Variants in PNPT1 observed in about 807,000 individuals in gnomAD.
PNPT1 encodes polyribonucleotide nucleotidyltransferase 1.
PNPT1 carries 53 observed loss-of-function variants against 119.5 expected under a neutral mutation model. The ratio of observed to expected loss-of-function variants is 0.44; its 90% CI spans 0.36 to 0.56. The LOEUF is 0.56. PNPT1 is among the 20% of genes least tolerant of loss of function. The probability of loss-of-function intolerance (pLI) is 0.00; values close to 1 mark genes in which losing one functional copy is unlikely to be tolerated. For missense variants in PNPT1, 948 were observed against 938.5 expected (o/e 1.01, Z -0.13); for synonymous variants, 357 against 322.1 (o/e 1.11, Z -1.16).
rs1695806479 is a variant in PNPT1 at position 55,640,612 on chromosome 2, C to T, written c.2148+15G>A. 2 of 1,544,788 alleles carry T rather than the reference C, an allele frequency of 1.3e-6. No individual in the cohort carries two copies. The highest frequency in any genetic ancestry group is 1.1e-5 in the South Asian group (1 of 89,276). On this transcript the variant is annotated intron_variant, in intron 26 of 27. Coordinates refer to ENST00000447944, the MANE Select transcript of PNPT1 (RefSeq NM_033109.5). ...GCAGTTATAAAAATAATAACAATAA[C>T]ATCTGTCTTTTTACCTTTCGTTGAT...
chr2:55,677,596 CAAAA>C (rs70954146), intron 8 of PNPT1, among the ~76,000 whole-genome samples: 14 of 33,502 alleles, frequency 4.2e-4, no homozygotes, highest in South Asian at 2.6e-3. Flanking sequence ...GACTATGTCT[CAAAA>C]AAAAAAAAAA....
At chr2:55,690,515 C>T (rs367709212) in intron 1 of PNPT1, among the ~76,000 whole-genome samples, 4 of 152,168 alleles carry the variant, frequency 2.6e-5, no homozygotes, top group Admixed American at 6.5e-5. Context: ...GAAGGAACAA[C>T]CCTTAATATT....
At chr2:55,669,912 C>G (rs555727058) in intron 11 of PNPT1, among the ~76,000 whole-genome samples, 1 of 152,064 alleles carries the variant, frequency 6.6e-6, no homozygotes, top group Non-Finnish European at 1.5e-5. Flanking sequence ...GAGCCTGCCA[C>G]CATGCCCGCC....
intron 16 of PNPT1, 22 bp downstream of exon 16, chr2:55,656,283 A>C: frequency 6.2e-7 from 1 of 1,611,870 alleles, no homozygotes; most frequent in Non-Finnish European, 8.5e-7. Flanking sequence ...ATACCGTATT[A>C]AGTTTACAGA....
chr2:55,655,174 T>C (rs1419287978), intron 17 of PNPT1, among the ~76,000 whole-genome samples: 1 of 152,172 alleles, frequency 6.6e-6, no homozygotes, highest in Non-Finnish European at 1.5e-5. Flanking sequence ...TAAAGTTAAA[T>C]CAATTAAAAT....
rs1032807283 is a variant in PNPT1, at chr2:55,679,674, C to T, written c.679+8G>A. ...TCCAGAACAAATGTGGTATTTAAAA[C>T]AACTTACCAATCTGACTTTTAGGTG... On this transcript the variant is annotated splice_region_variant and intron_variant, in intron 8 of 27. Coordinates refer to ENST00000447944, the MANE Select transcript of PNPT1 (RefSeq NM_033109.5). 1 of 1,565,734 alleles carries T rather than the reference C, an allele frequency of 6.4e-7. No individual in the cohort carries two copies. The highest frequency in any genetic ancestry group is 1.7e-5 in the Admixed American group (1 of 59,392).
chr2:55,637,593 G>T lies in PNPT1; in HGVS notation c.2155C>A (p.His719Asn). 6.2e-7 allele frequency: 1 copy of T among 1,600,590 alleles called. No individual in the cohort carries two copies. The highest frequency in any genetic ancestry group is 8.6e-7 in the Non-Finnish European group (1 of 1,167,854). Residue 719 changes from histidine to asparagine, a missense_variant, in exon 27 of 28, where the codon CAT (histidine) becomes AAT (asparagine). Physicochemically the swap from His to Asn is moderately conservative, Grantham distance 68. Transcript: ENST00000447944. ...NTQLDQRKIK[H>N]PTALGLEVGQ... The stretch of plus-strand genomic sequence containing the variant: ...ACTTCTAATCCTAGGGCAGTAGGAT[G>T]TTTAATCTGGAAAAAAAAATGTTAA...
At chr2:55,677,677 T>C (rs1310676705) in intron 8 of PNPT1, among the ~76,000 whole-genome samples, 1 of 148,554 alleles carries the variant, frequency 6.7e-6, no homozygotes, top group African/African-American at 2.5e-5. Flanking sequence ...GTTCAAACTC[T>C]AAGGTAGATA....
intron 1 of PNPT1, among the ~76,000 whole-genome samples, chr2:55,691,872 ATATATATTTTTTTTTTT>A (rs1419021164): frequency 8.6e-4 from 10 of 11,562 alleles, no homozygotes; most frequent in African/African-American, 1.3e-3. Flanking sequence ...ATATATATAT[ATATATATTTTTTTTTTT>A]TTTTTTTTTT....
In PNPT1 at chr2:55,667,702, T is replaced by G. The variant is rs539745826; in HGVS notation, c.1073+160A>C. On this transcript the variant is annotated intron_variant, in intron 12 of 27. Transcript: ENST00000447944. ...GCCCAAGACAGATGGTCACATATCA[T>G]GTACTTTTTCTTCAATAGGTGTCCA... is the stretch of plus-strand genomic sequence containing the variant. 1.0e-3 allele frequency among the ~76,000 whole-genome samples: 159 copies of G among 152,286 alleles called. 1 individual carries two copies. The highest frequency in any genetic ancestry group is 1.6e-3 in the Non-Finnish European group (107 of 68,026).
chr2:55,687,336 A>T (rs1697443176), intron 2 of PNPT1, among the ~76,000 whole-genome samples: 1 of 151,850 alleles, frequency 6.6e-6, no homozygotes, highest in South Asian at 2.1e-4. Flanking sequence ...GCTACTCGGG[A>T]GGCTGAGGCA....
At chr2:55,660,254 C>T in intron 14 of PNPT1, 61 bp from the exon 15 acceptor site, 2 of 1,489,036 alleles carry the variant, frequency 1.3e-6, no homozygotes, top group South Asian at 1.3e-5. Flanking sequence ...TATTTCAAAA[C>T]ACAACTAAAA....
At chr2:55,677,599 A>C (rs1697115973) in intron 8 of PNPT1, among the ~76,000 whole-genome samples, 1 of 140,162 alleles carries the variant, frequency 7.1e-6, no homozygotes, top group Non-Finnish European at 1.6e-5. Flanking sequence ...TATGTCTCAA[A>C]AAAAAAAAAA....
intron 25 of PNPT1, among the ~76,000 whole-genome samples, chr2:55,642,287 C>T (rs1695855627): frequency 6.6e-6 from 1 of 151,894 alleles, no homozygotes; most frequent in African/African-American, 2.4e-5. Context: ...TGGGGTTTCA[C>T]CAATTACTAG....
rs566212594 is a variant in PNPT1, at chr2:55,680,750, G to A, written c.527C>T (p.Ala176Val). 1.9e-6 allele frequency: 3 copies of A among 1,613,464 alleles called. No individual in the cohort carries two copies. The South Asian group carries it at 3.3e-5, about 18-fold the overall frequency. ...CCAAGGAATATCTGATAATGAGAGG[G>A]CTACGGAAGCTTAAAAAAGGAGAAA... ...DVLAINGASV[A>V]LSLSDIPWNG... The change falls in exon 7 of 28, where the codon GCC (alanine) becomes GTC (valine). Residue 176 changes from alanine to valine, a missense_variant. Physicochemically the swap from Ala to Val is moderately conservative, Grantham distance 64. Transcript: ENST00000447944.
At chr2:55,681,126 G>T (rs900941821) in intron 5 of PNPT1, among the ~76,000 whole-genome samples, 5 of 152,196 alleles carry the variant, frequency 3.3e-5, no homozygotes, top group African/African-American at 1.2e-4. Context: ...GGAAAAACAG[G>T]CCAGGCGTGG....
Position 55,657,632 on chromosome 2 carries a change from C to T in PNPT1, c.1285-1261G>A, listed in dbSNP as rs550757332. Among the ~76,000 whole-genome samples, 628 of 151,310 alleles carry T rather than the reference C, an allele frequency of 4.2e-3. 2 individuals are homozygous for T. Among genetic ancestry groups the T allele is most frequent in the Non-Finnish European group, 5.9e-3 (398 of 67,776 alleles). On this transcript the variant is annotated intron_variant, in intron 15 of 27. Coordinates refer to ENST00000447944, the MANE Select transcript of PNPT1 (RefSeq NM_033109.5). The stretch of plus-strand genomic sequence containing the variant: ...AACTCCTGACCTCAGGTGATCCGCC[C>T]GCCTCGGCCTCCCAAAGTGCTGGGA...
intron 25 of PNPT1, among the ~76,000 whole-genome samples, chr2:55,641,526 T>A (rs1559085947): frequency 6.6e-6 from 1 of 152,058 alleles, no homozygotes; most frequent in Non-Finnish European, 1.5e-5. Flanking sequence ...TTAAATATTT[T>A]AAAAATAGTA....
chr2:55,672,978 G>T lies in PNPT1; in HGVS notation c.781C>A (p.Gln261Lys). ...GTAACACCAGTTTCTTTTACCAACT[G>T]CTGAATGCCCTGAATTATTTGTTGG... Reference protein sequence around the residue: ...YTQQIIQGIQQLVKETGVTKR... With the variant: ...YTQQIIQGIQKLVKETGVTKR... Residue 261 changes from glutamine (Q) to lysine (K), a missense_variant, in exon 9 of 28, where the codon CAG becomes AAG. Gln to Lys is a moderately conservative substitution (Grantham distance 53, BLOSUM62 1). Coordinates refer to ENST00000447944, the MANE Select transcript of PNPT1 (RefSeq NM_033109.5). The T allele has an allele frequency of 6.2e-7, 1 of 1,613,472 alleles. No homozygotes were observed. The highest frequency in any genetic ancestry group is 2.2e-5 in the East Asian group (1 of 44,844).
Sources: gnomAD v4.1 joint callset for allele counts (sites outside exome capture counted in the v4.1 genomes callset) on GRCh38, gnomAD v4.1.1 for gene constraint, MANE v1.5 for transcripts, NCBI Gene and HGNC (gene_info 2026-07-23, HGNC 2026-07-21) for gene names.